CTNNA3: variants seen among roughly 807,000 people sequenced by gnomAD.
CTNNA3 encodes the protein catenin alpha-3.
Under a neutral mutation model 95.7 loss-of-function variants are expected in CTNNA3, and 76 were observed. The observed-to-expected ratio is 0.79, with a 90% confidence interval of 0.66 to 0.96. CTNNA3 has a LOEUF of 0.96. Among genes scored for constraint, CTNNA3 ranks in the 40% least tolerant of loss-of-function variants. The probability of loss-of-function intolerance (pLI) is 0.00; values close to 1 mark genes in which losing one functional copy is unlikely to be tolerated. For missense variants in CTNNA3, 1,191 were observed against 1,089.8 expected, an observed-to-expected ratio of 1.09 and a Z score of -1.31; for synonymous variants, 431 against 374.4, an observed-to-expected ratio of 1.15 and a Z score of -1.74.
chr10:67,159,284 G>A (rs776635920), intron 7 of CTNNA3, among the ~76,000 whole-genome samples: 22 of 152,118 alleles, frequency 1.4e-4, no homozygotes, highest in African/African-American at 4.1e-4. Flanking sequence ...TTGCTCACTC[G>A]GGGAGCTCGG....
At chr10:66,627,286 TC>T (rs1844970337) in intron 9 of CTNNA3, among the ~76,000 whole-genome samples, 1 of 152,162 alleles carries the variant, frequency 6.6e-6, no homozygotes, top group African/African-American at 2.4e-5. Context: ...CAGTTCTTTT[TC>T]TAACCTAGTG....
intron 17 of CTNNA3, among the ~76,000 whole-genome samples, chr10:65,941,039 C>A (rs1162057572): frequency 6.6e-6 from 1 of 152,176 alleles, no homozygotes; most frequent in Non-Finnish European, 1.5e-5. Flanking sequence ...GATTACTTAT[C>A]CTTTCCAAGA....
intron 13 of CTNNA3, among the ~76,000 whole-genome samples, chr10:66,249,781 AC>A (rs2090475405): frequency 6.6e-6 from 1 of 152,102 alleles, no homozygotes; most frequent in Non-Finnish European, 1.5e-5. Flanking sequence ...CCGAGATAGC[AC>A]CACTGCACTC....
chr10:66,966,938 T>C (rs1474080388), intron 7 of CTNNA3, among the ~76,000 whole-genome samples: 1 of 152,040 alleles, frequency 6.6e-6, no homozygotes, highest in Non-Finnish European at 1.5e-5. Flanking sequence ...ATGGGAGAAT[T>C]AGAAGAGAAA....
chr10:66,122,516 A>G (rs2082626299), intron 13 of CTNNA3, among the ~76,000 whole-genome samples: 1 of 152,220 alleles, frequency 6.6e-6, no homozygotes, highest in South Asian at 2.1e-4. Flanking sequence ...CGGGATAAAT[A>G]CCAAGAAAGT....
intron 14 of CTNNA3, among the ~76,000 whole-genome samples, chr10:66,088,384 C>T (rs1013385032): frequency 6.6e-6 from 1 of 151,706 alleles, no homozygotes; most frequent in Non-Finnish European, 1.5e-5. Context: ...AGATTTGTCA[C>T]ATTTTATAAC....
intron 7 of CTNNA3, among the ~76,000 whole-genome samples, chr10:66,850,985 C>A (rs951693121): frequency 5.9e-5 from 9 of 152,030 alleles, no homozygotes; most frequent in Non-Finnish European, 1.2e-4. Flanking sequence ...AACTATTATA[C>A]CCTGTTTTCA....
At chr10:66,187,142 T>G (rs1380572093) in intron 13 of CTNNA3, among the ~76,000 whole-genome samples, 3 of 152,130 alleles carry the variant, frequency 2.0e-5, no homozygotes, top group Non-Finnish European at 4.4e-5. Context: ...TGGAAAATCC[T>G]ATGTGCAAAA....
chr10:66,719,997 T>C (rs1229937198), intron 9 of CTNNA3, among the ~76,000 whole-genome samples: 4 of 151,998 alleles, frequency 2.6e-5, no homozygotes, highest in Non-Finnish European at 5.9e-5. Flanking sequence ...AACCTTTTCC[T>C]GATGGTTAAG....
At chr10:67,323,090 T>A (rs1841390914) in intron 5 of CTNNA3, among the ~76,000 whole-genome samples, 1 of 152,344 alleles carries the variant, frequency 6.6e-6, no homozygotes, top group East Asian at 1.9e-4. Context: ...TAAATTTGTT[T>A]AAGCTCCTTA....
Position 67,741,436 on chromosome 10 carries a change from C to T in CTNNA3, c.-2+21998G>A, listed in dbSNP as rs972888840. 3.0e-4 allele frequency among the ~76,000 whole-genome samples: 45 copies of T among 149,706 alleles called. 2 individuals carry two copies. Among genetic ancestry groups the T allele is most frequent in the Non-Finnish European group, 5.9e-5 (4 of 67,356 alleles). ...TCATAAGTGAAGGAGAAATAAAATACTTTACAGACAAGCAAATGCTGAGAG... is the reference window on the plus strand; with the variant it reads ...TCATAAGTGAAGGAGAAATAAAATATTTTACAGACAAGCAAATGCTGAGAG... On this transcript the variant is annotated intron_variant, in intron 1 of 17. Transcript: ENST00000684154.
chr10:67,233,863 A>G (rs1280311669), intron 5 of CTNNA3, among the ~76,000 whole-genome samples: 1 of 152,238 alleles, frequency 6.6e-6, no homozygotes, highest in African/African-American at 2.4e-5. Flanking sequence ...AGAAACTACC[A>G]TCAGAGAATA....
chr10:66,243,811 A>G (rs1228106384), intron 13 of CTNNA3, among the ~76,000 whole-genome samples: 1 of 152,176 alleles, frequency 6.6e-6, no homozygotes, highest in Non-Finnish European at 1.5e-5. Context: ...CCACCTGTTG[A>G]CCAAAGAGCC....
intron 9 of CTNNA3, among the ~76,000 whole-genome samples, chr10:66,694,992 A>G (rs1589136296): frequency 6.6e-6 from 1 of 152,202 alleles, no homozygotes; most frequent in South Asian, 2.1e-4. Context: ...CATTTTGAAC[A>G]GAGGCAAAGA....
At chr10:66,481,461 C>CTTTTTTTTT (rs148278459) in intron 11 of CTNNA3, among the ~76,000 whole-genome samples, 4 of 73,204 alleles carry the variant, frequency 5.5e-5, no homozygotes, top group Admixed American at 1.8e-4. Context: ...TCCCTTGTTT[C>CTTTTTTTTT]TTTTTTTTTT....
At chr10:65,956,286 T>C (rs2077729513) in intron 17 of CTNNA3, among the ~76,000 whole-genome samples, 1 of 152,224 alleles carries the variant, frequency 6.6e-6, no homozygotes, top group Non-Finnish European at 1.5e-5. Context: ...TCTTTTCTTC[T>C]TTATTAGTCT....
At chr10:67,621,757 A>G (rs1247169885) in intron 2 of CTNNA3, among the ~76,000 whole-genome samples, 1 of 148,954 alleles carries the variant, frequency 6.7e-6, no homozygotes, top group East Asian at 2.1e-4. Context: ...TCAAAAAAAA[A>G]AAAAAGAAAA....
chr10:66,865,855 A>C (rs1047376955), intron 7 of CTNNA3, among the ~76,000 whole-genome samples: 4 of 152,142 alleles, frequency 2.6e-5, no homozygotes, highest in Non-Finnish European at 4.4e-5. Flanking sequence ...ACATTTGAAT[A>C]AAAGTAATAT....
Position 66,383,601 on chromosome 10 carries a change from C to A in CTNNA3, c.1532-4249G>T, listed in dbSNP as rs990407656. 1.6e-4 allele frequency among the ~76,000 whole-genome samples: 24 copies of A among 152,162 alleles called. 1 individual carries two copies. The highest frequency in any genetic ancestry group is 5.8e-4 in the African/African-American group (24 of 41,444). On this transcript the variant is annotated intron_variant, in intron 11 of 17. Transcript: ENST00000433211. Reference sequence around the variant, plus strand: ...AATTCAGGAAATACAGAGAACACCACAAAGATACTCCTTGACAAGAGCAAC... The same window carrying A: ...AATTCAGGAAATACAGAGAACACCAAAAAGATACTCCTTGACAAGAGCAAC...
Sources: gnomAD v4.1 joint callset for allele counts (sites outside exome capture counted in the v4.1 genomes callset) on GRCh38, gnomAD v4.1.1 for gene constraint, MANE v1.5 for transcripts, NCBI Gene and HGNC (gene_info 2026-07-23, HGNC 2026-07-21) for gene names.